The following RALYL variants were observed in gnomAD, a reference collection of about 807,000 sequenced individuals.
RALYL encodes RALY RNA binding protein like, also known as RNA-binding Raly-like protein.
A neutral mutation model predicts 35.1 loss-of-function variants in RALYL; 29 were observed. The ratio of observed to expected loss-of-function variants is 0.83; its 90% CI spans 0.61 to 1.13. RALYL has a LOEUF of 1.13. Among genes scored for constraint, RALYL ranks in the 50% most tolerant of loss-of-function variants. The probability of loss-of-function intolerance (pLI) is 0.00; values close to 1 mark genes in which losing one functional copy is unlikely to be tolerated. For missense variants in RALYL, 359 were observed against 360.4 expected (o/e 1.00, Z 0.03); for synonymous variants, 120 against 127.6 (o/e 0.94, Z 0.40).
At chr8:84,672,691 C>T (rs1006753824) in intron 2 of RALYL, among the ~76,000 whole-genome samples, 1 of 152,062 alleles carries the variant, frequency 6.6e-6, no homozygotes, top group Non-Finnish European at 1.5e-5. Context: ...GGCAAGAGAA[C>T]ATGTACAGGG....
At position 84,585,566 on chromosome 8, in the gene RALYL, T is replaced by G. The variant is rs1811804624; in HGVS notation, c.256+55989T>G. ...ATTCAATAATTATTGTTTTTCATGTTCATATTATAGTAGAAAATGCTTCCT... is the reference window on the plus strand; with the variant it reads ...ATTCAATAATTATTGTTTTTCATGTGCATATTATAGTAGAAAATGCTTCCT... On this transcript the variant is annotated intron_variant, in intron 2 of 8. Transcript: ENST00000521268. Among the ~76,000 whole-genome samples, 3 of 152,186 alleles carry G rather than the reference T, an allele frequency of 2.0e-5. No homozygotes were observed. The South Asian group carries it at 6.2e-4, about 32-fold the overall frequency.
chr8:84,251,247 A>C (rs760378425), intron 1 of RALYL, among the ~76,000 whole-genome samples: 3 of 152,148 alleles, frequency 2.0e-5, no homozygotes, highest in Non-Finnish European at 4.4e-5. Flanking sequence ...TGTGAAATGT[A>C]GACCTCAGAG....
chr8:84,385,732 A>G (rs1418866266), intron 1 of RALYL, among the ~76,000 whole-genome samples: 1 of 149,548 alleles, frequency 6.7e-6, no homozygotes, highest in Non-Finnish European at 1.5e-5. Flanking sequence ...TCCTAGCTGC[A>G]CCTGACAGGG....
intron 1 of RALYL, among the ~76,000 whole-genome samples, chr8:84,517,349 T>C (rs1174520035): frequency 6.6e-6 from 1 of 152,146 alleles, no homozygotes; most frequent in Non-Finnish European, 1.5e-5. Flanking sequence ...GGCTAGGTCA[T>C]AATACTGAAG....
At chr8:84,349,541 A>T (rs1031105105) in intron 1 of RALYL, among the ~76,000 whole-genome samples, 6 of 150,160 alleles carry the variant, frequency 4.0e-5, no homozygotes, top group African/African-American at 1.5e-4. Context: ...GGTCATCCTT[A>T]TGCAGTTACT....
rs139588807 is a variant in RALYL at position 84,872,950 on chromosome 8, C to G, written c.572-334C>G. The stretch of plus-strand genomic sequence containing the variant: ...GATTTAATTATTGCTTCATCTGAAT[C>G]CCTCTCACATTGAAGATTTACTCTA... On this transcript the variant is annotated intron_variant, in intron 6 of 8. Coordinates refer to ENST00000521268, the MANE Select transcript of RALYL (RefSeq NM_173848.7). 100 of 185,184 alleles carry G rather than the reference C, an allele frequency of 5.4e-4. 2 individuals carry two copies. In the East Asian group the frequency reaches 0.014, roughly 26 times the overall value. The allele number at this position is 185,184 out of a possible 1,614,324, so 11.5% of individuals were successfully genotyped here. A position where few individuals can be genotyped will look rare whatever the true frequency, so the allele number is the denominator to read the frequency against.
intron 4 of RALYL, among the ~76,000 whole-genome samples, chr8:84,840,134 T>C (rs1303785500): frequency 2.0e-5 from 3 of 150,912 alleles, no homozygotes; most frequent in African/African-American, 4.9e-5. Context: ...CTTTGACGAG[T>C]TGAGAGAATA....
At chr8:84,641,170 C>T (rs1826229210) in intron 2 of RALYL, among the ~76,000 whole-genome samples, 1 of 150,792 alleles carries the variant, frequency 6.6e-6, no homozygotes, top group African/African-American at 2.4e-5. Context: ...ATATTGATAA[C>T]TTTCTTTATA....
At chr8:84,693,556 A>G (rs1028369626) in intron 2 of RALYL, among the ~76,000 whole-genome samples, 1 of 151,952 alleles carries the variant, frequency 6.6e-6, no homozygotes, top group Non-Finnish European at 1.5e-5. Context: ...TAGCCAAACC[A>G]TATTAATATA....
intron 2 of RALYL, among the ~76,000 whole-genome samples, chr8:84,754,393 C>T (rs1027699118): frequency 3.3e-5 from 5 of 152,078 alleles, no homozygotes; most frequent in Non-Finnish European, 5.9e-5. Flanking sequence ...GTCCTCTATA[C>T]CTCTCTGGAA....
At chr8:84,481,029 C>T (rs1371695572) in intron 1 of RALYL, among the ~76,000 whole-genome samples, 6 of 152,066 alleles carry the variant, frequency 3.9e-5, no homozygotes. Context: ...CTACAAAATA[C>T]ATACTTTGTT....
intron 2 of RALYL, among the ~76,000 whole-genome samples, chr8:84,610,952 A>C (rs1428631720): frequency 1.3e-5 from 2 of 152,066 alleles, no homozygotes; most frequent in African/African-American, 4.8e-5. Context: ...TTCAGTTTGG[A>C]TATTTCCTAC....
At chr8:84,718,810 TG>T (rs1378902462) in intron 2 of RALYL, among the ~76,000 whole-genome samples, 1 of 152,056 alleles carries the variant, frequency 6.6e-6, no homozygotes, top group Non-Finnish European at 1.5e-5. Flanking sequence ...TCTAATTTTA[TG>T]ACTTTTAAAA....
rs556710105 is a variant in RALYL, at chr8:84,774,183, C to G, written c.257-396C>G. On this transcript the variant is annotated intron_variant, in intron 2 of 8. Coordinates refer to ENST00000521268, the MANE Select transcript of RALYL (RefSeq NM_173848.7). ...ACAGTGAGCAACGATTTCCCCACTG[C>G]ACTCCAGCCTGGGCGACAGAGCAAA... Among the ~76,000 whole-genome samples the G allele has an allele frequency of 4.6e-5, 7 of 152,270 alleles. No homozygotes were observed. In the East Asian group the frequency reaches 1.2e-3, roughly 25 times the overall value.
chr8:84,186,103 C>A (rs10112212), intron 1 of RALYL, among the ~76,000 whole-genome samples: 32,247 of 151,958 alleles, frequency 0.21, 5,224 homozygotes, highest in African/African-American at 0.45. Context: ...TTTTGTTCTC[C>A]GAGTAGCTTT....
intron 7 of RALYL, among the ~76,000 whole-genome samples, chr8:84,875,734 T>G (rs936104162): frequency 6.6e-6 from 1 of 152,254 alleles, no homozygotes; most frequent in South Asian, 2.1e-4. Flanking sequence ...CACTACCTTA[T>G]GGAAAGTAGA....
chr8:84,870,367 T>C (rs1184234284), intron 6 of RALYL, among the ~76,000 whole-genome samples: 1 of 151,700 alleles, frequency 6.6e-6, no homozygotes, highest in East Asian at 1.9e-4. Flanking sequence ...CAAGCAATTC[T>C]CTGCCTCAGC....
intron 1 of RALYL, among the ~76,000 whole-genome samples, chr8:84,422,311 T>G: frequency 8.5e-6 from 1 of 118,336 alleles, no homozygotes. Context: ...ATCCATTTCT[T>G]CTAGATTTTC....
At chr8:84,730,444 A>T (rs1024312799) in intron 2 of RALYL, among the ~76,000 whole-genome samples, 2 of 152,120 alleles carry the variant, frequency 1.3e-5, no homozygotes, top group Admixed American at 6.6e-5. Flanking sequence ...AATGGGCAAA[A>T]ACTGGAAGCA....
Sources: allele counts gnomAD v4.1 joint callset (sites outside exome capture counted in the v4.1 genomes callset), GRCh38; gene constraint gnomAD v4.1.1; transcripts MANE v1.5; gene names NCBI Gene and HGNC (gene_info 2026-07-23, HGNC 2026-07-21).